Variants in OAF observed in about 807,000 individuals in gnomAD.
OAF encodes out at first homolog, also known as out at first protein homolog.
A neutral mutation model predicts 22.5 loss-of-function variants in OAF; 13 were observed. The ratio of observed to expected loss-of-function variants is 0.58; its 90% CI spans 0.38 to 0.92. OAF has a LOEUF of 0.92. Ranked by LOEUF, OAF falls within the 40% of genes least tolerant of loss-of-function variation. The pLI is 0.00. For synonymous variants in OAF, 175 were observed against 170.5 expected, an observed-to-expected ratio of 1.03 and a Z score of -0.21; for missense variants, 347 against 381.8, an observed-to-expected ratio of 0.91 and a Z score of 0.76.
At chr11:120,220,049 G>C (rs1204471592) in intron 1 of OAF, among the ~76,000 whole-genome samples, 1 of 152,204 alleles carries the variant, frequency 6.6e-6, no homozygotes, top group Non-Finnish European at 1.5e-5. Flanking sequence ...CGCTGCTCTT[G>C]AGCCAGAGGC....
Position 120,228,785 on chromosome 11 carries a change from G to A in OAF, c.548-83G>A, listed in dbSNP as rs1026392194. ...TGTGGGATGACAGAGGAGACCAAGT[G>A]GGGAATGGCAGCGGCCTCTGACTAG... On this transcript the variant is annotated intron_variant, in intron 3 of 3. Coordinates refer to ENST00000328965, the MANE Select transcript of OAF (RefSeq NM_178507.4). 6.4e-6 allele frequency: 7 copies of A among 1,092,494 alleles called. No homozygotes were observed. The Admixed American group carries it at 1.3e-4, about 20-fold the overall frequency. The allele number at this position is 1,092,494 out of a possible 1,614,324, so 67.7% of individuals were successfully genotyped here. A position where few individuals can be genotyped will look rare whatever the true frequency, so the allele number is the denominator to read the frequency against.
In OAF at chr11:120,211,359, G is replaced by T. The variant is rs538541142; in HGVS notation, c.80G>T (p.Gly27Val). 2.8e-4 allele frequency: 403 copies of T among 1,448,286 alleles called. 2 individuals are homozygous for T. Among genetic ancestry groups the T allele is most frequent in the Non-Finnish European group, 9.2e-6 (10 of 1,092,470 alleles). The allele number at this position is 1,448,286 out of a possible 1,614,324, so 89.7% of individuals were successfully genotyped here. A position where few individuals can be genotyped will look rare whatever the true frequency, so the allele number is the denominator to read the frequency against. Residue 27 changes from glycine to valine, a missense_variant, in exon 1 of 4, where the codon GGT (glycine) becomes GTT (valine). Gly to Val is a moderately radical substitution (Grantham distance 109). Transcript: ENST00000328965. ...CTGCTCGCGCCGCTGCTGGGAACGG[G>T]TGCGCCGGCCGAGCTGCGGGTCCGC... ...LPLLAPLLGT[G>V]APAELRVRVR...
chr11:120,228,035 C>G (rs952141776), intron 3 of OAF, among the ~76,000 whole-genome samples: 2 of 152,130 alleles, frequency 1.3e-5, no homozygotes, highest in Non-Finnish European at 2.9e-5. Flanking sequence ...CTGACCTGCC[C>G]CACTGTGGGT....
intron 1 of OAF, among the ~76,000 whole-genome samples, chr11:120,222,732 A>AG (rs1168240165): frequency 6.6e-6 from 1 of 151,908 alleles, no homozygotes; most frequent in African/African-American, 2.4e-5. Flanking sequence ...GCCAACATGG[A>AG]GAAACCCTGT....
At position 120,228,855 on chromosome 11, in the gene OAF, C is replaced by T. The variant is rs1373407425; in HGVS notation, c.548-13C>T. On this transcript the variant is annotated splice_polypyrimidine_tract_variant and intron_variant, in intron 3 of 3. Coordinates refer to ENST00000328965, the MANE Select transcript of OAF (RefSeq NM_178507.4). ...CCCTCCCTCCCTCCCTGATCCTTGC[C>T]TCTCTCCCCCAGGTGTGGACAGTTC... 2 of 727,126 alleles carry T rather than the reference C, an allele frequency of 2.8e-6. No homozygotes were observed. Among genetic ancestry groups the T allele is most frequent in the East Asian group, 1.2e-4 (2 of 17,230 alleles). 45.0% of individuals were successfully genotyped at this position (727,126 alleles called of 1,614,324 possible).
intron 1 of OAF, among the ~76,000 whole-genome samples, chr11:120,222,907 T>C (rs1471261806): frequency 8.6e-6 from 1 of 115,756 alleles, no homozygotes; most frequent in Non-Finnish European, 1.8e-5. Flanking sequence ...TGAGACTCTG[T>C]CTCAAAAAAC....
chr11:120,220,146 A>G (rs1938261971), intron 1 of OAF, among the ~76,000 whole-genome samples: 1 of 152,126 alleles, frequency 6.6e-6, no homozygotes, highest in Non-Finnish European at 1.5e-5. Flanking sequence ...ACTGAGATCC[A>G]AGGCACTCTC....
At chr11:120,223,546 G>A (rs778720697) in intron 1 of OAF, among the ~76,000 whole-genome samples, 2 of 152,170 alleles carry the variant, frequency 1.3e-5, no homozygotes, top group African/African-American at 4.8e-5. Flanking sequence ...CCCCCTGTCA[G>A]TTCCCATTTT....
At chr11:120,222,971 A>G in intron 1 of OAF, among the ~76,000 whole-genome samples, 1 of 152,240 alleles carries the variant, frequency 6.6e-6, no homozygotes, top group Non-Finnish European at 1.5e-5. Flanking sequence ...CAGGCGGGTT[A>G]GAAGGGTATT....
intron 1 of OAF, among the ~76,000 whole-genome samples, chr11:120,214,437 C>T (rs779858622): frequency 2.0e-5 from 3 of 152,300 alleles, no homozygotes; most frequent in East Asian, 1.9e-4. Context: ...CATTGAACAA[C>T]GGACCCAAGG....
intron 3 of OAF, among the ~76,000 whole-genome samples, chr11:120,228,133 G>A (rs1938387358): frequency 6.6e-6 from 1 of 151,346 alleles, no homozygotes; most frequent in South Asian, 2.1e-4. Context: ...CCCCCAGGCT[G>A]GAGTGCAATG....
chr11:120,229,423 TGGA>T lies in OAF; in HGVS notation c.*283_*285del, dbSNP rs2135100309. On this transcript the variant is annotated 3_prime_UTR_variant, in exon 4 of 4. Transcript: ENST00000328965. ...ACACCCCTCCCTCCTGCATCTCCCC[TGGA>T]GTGTTCACTTGCAAGCTGCCAAAAC... The T allele has an allele frequency of 7.6e-5, 31 of 410,446 alleles. No homozygotes were observed. Among genetic ancestry groups the T allele is most frequent in the South Asian group, 7.3e-4 (24 of 32,662 alleles). 25.4% of individuals were successfully genotyped at this position (410,446 alleles called of 1,614,324 possible). A position where few individuals can be genotyped will look rare whatever the true frequency, so the allele number is the denominator to read the frequency against.
chr11:120,224,142 C>G (rs1414090165), intron 1 of OAF, among the ~76,000 whole-genome samples: 1 of 152,252 alleles, frequency 6.6e-6, no homozygotes, highest in Non-Finnish European at 1.5e-5. Context: ...GAACCTTCCT[C>G]AACAGCTGAG....
rs1245635863 is a variant in OAF at position 120,230,059 on chromosome 11, T to C, written c.*917T>C. ...GAACAAGAACTTCGAAAGCACCTAC[T>C]GTGTGCTCAGCCATTTGAGGAAGGA... On this transcript the variant is annotated 3_prime_UTR_variant, in exon 4 of 4. Transcript: ENST00000328965. 3 of 152,218 alleles carry C rather than the reference T, an allele frequency of 2.0e-5. No individual in the cohort carries two copies. Among genetic ancestry groups the C allele is most frequent in the Non-Finnish European group, 4.4e-5 (3 of 68,046 alleles). 9.4% of individuals were successfully genotyped at this position (152,218 alleles called of 1,614,324 possible). A position where few individuals can be genotyped will look rare whatever the true frequency, so the allele number is the denominator to read the frequency against.
intron 1 of OAF, among the ~76,000 whole-genome samples, chr11:120,224,895 C>T (rs868210069): frequency 7.2e-5 from 11 of 152,170 alleles, no homozygotes; most frequent in African/African-American, 2.2e-4. Flanking sequence ...CTCCAGCAGC[C>T]GGATAGGGAA....
In OAF at chr11:120,229,555, C is replaced by T. The variant is rs950489727; in HGVS notation, c.*413C>T. The T allele has an allele frequency of 2.0e-5, 4 of 195,846 alleles. No individual in the cohort carries two copies. The Admixed American group carries it at 2.1e-4, about 10-fold the overall frequency. 12.1% of individuals were successfully genotyped at this position (195,846 alleles called of 1,614,324 possible). A position where few individuals can be genotyped will look rare whatever the true frequency, so the allele number is the denominator to read the frequency against. The stretch of plus-strand genomic sequence containing the variant: ...CCCAGACACAACTCCCTTCCCCATG[C>T]ACACATCTGGAAGGAGCTGGCCCCT... On this transcript the variant is annotated 3_prime_UTR_variant, in exon 4 of 4. Coordinates refer to ENST00000328965, the MANE Select transcript of OAF (RefSeq NM_178507.4).
At chr11:120,218,783 C>T (rs2135092316) in intron 1 of OAF, among the ~76,000 whole-genome samples, 1 of 152,256 alleles carries the variant, frequency 6.6e-6, no homozygotes, top group Non-Finnish European at 1.5e-5. Flanking sequence ...GCTGCCCTGG[C>T]CCCCTTTGCT....
intron 1 of OAF, among the ~76,000 whole-genome samples, chr11:120,221,977 G>A (rs1448419587): frequency 6.6e-6 from 1 of 152,326 alleles, no homozygotes; most frequent in East Asian, 1.9e-4. Flanking sequence ...TAGGTGTTAG[G>A]CCACATGAAG....
At chr11:120,228,506 C>T (rs1294775206) in intron 3 of OAF, among the ~76,000 whole-genome samples, 1 of 152,126 alleles carries the variant, frequency 6.6e-6, no homozygotes, top group African/African-American at 2.4e-5. Context: ...TAGTGGAGGC[C>T]TTGAAACCTT....
Sources: allele counts gnomAD v4.1 joint callset (sites outside exome capture counted in the v4.1 genomes callset), GRCh38; gene constraint gnomAD v4.1.1; transcripts MANE v1.5; gene names NCBI Gene and HGNC (gene_info 2026-07-23, HGNC 2026-07-21).